The following POTEC variants were observed in gnomAD, a reference collection of about 807,000 sequenced individuals.
POTEC encodes POTE ankyrin domain family member C.
Under a neutral mutation model 62.0 loss-of-function variants are expected in POTEC, and 35 were observed. The observed-to-expected ratio is 0.56, with a 90% confidence interval of 0.43 to 0.75. The LOEUF (loss-of-function observed/expected upper bound fraction) is 0.75. POTEC is among the 30% of genes least tolerant of loss of function. POTEC has a pLI of 0.00. For missense variants in POTEC, 472 were observed against 655.9 expected, an observed-to-expected ratio of 0.72 and a Z score of 3.06; for synonymous variants, 156 against 221.5, an observed-to-expected ratio of 0.70 and a Z score of 2.62.
intron 9 of POTEC, among the ~76,000 whole-genome samples, chr18:14,521,252 T>G (rs1421178138): frequency 2.0e-5 from 3 of 152,194 alleles, no homozygotes; most frequent in Non-Finnish European, 4.4e-5. Flanking sequence ...AGTGTCCATG[T>G]AGCGTGTAGC....
intron 9 of POTEC, among the ~76,000 whole-genome samples, chr18:14,520,623 T>A (rs867982764): frequency 6.6e-6 from 1 of 151,792 alleles, no homozygotes; most frequent in African/African-American, 2.4e-5. Flanking sequence ...TACTGAAATA[T>A]ATCCTTTTCT....
Position 14,509,802 on chromosome 18 carries a change from T to G in POTEC, c.*2096A>C, listed in dbSNP as rs1281029937. On this transcript the variant is annotated 3_prime_UTR_variant, in exon 11 of 11. Transcript: ENST00000358970. Reference sequence around the variant, plus strand: ...CACAGATCAGGTCTCAGAGGAGAACTCTCTCAAAAGTGAATCCTCAGCACA... The same window carrying G: ...CACAGATCAGGTCTCAGAGGAGAACGCTCTCAAAAGTGAATCCTCAGCACA... 1 of 143,200 alleles carries G rather than the reference T, an allele frequency of 7.0e-6. No homozygotes were observed. 8.9% of individuals were successfully genotyped at this position (143,200 alleles called of 1,614,324 possible).
intron 4 of POTEC, among the ~76,000 whole-genome samples, chr18:14,533,892 G>T: frequency 1.4e-5 from 2 of 142,950 alleles, no homozygotes; most frequent in African/African-American, 2.6e-5. Context: ...TTTTTTCCAT[G>T]CCCAGCTAGT....
At chr18:14,528,205 A>C (rs1341259062) in intron 6 of POTEC, 1 of 152,328 alleles carries the variant, frequency 6.6e-6, no homozygotes, top group East Asian at 1.9e-4. Flanking sequence ...CATAAGCAGA[A>C]TATGCCTTAA....
At chr18:14,516,922 T>TA (rs1286742447) in intron 9 of POTEC, among the ~76,000 whole-genome samples, 3 of 151,120 alleles carry the variant, frequency 2.0e-5, no homozygotes, top group African/African-American at 7.3e-5. Flanking sequence ...AAAAGGAATT[T>TA]AAAAAGAGAG....
intron 7 of POTEC, among the ~76,000 whole-genome samples, chr18:14,524,011 G>A (rs867116882): frequency 7.9e-5 from 12 of 152,126 alleles, no homozygotes; most frequent in Middle Eastern, 3.4e-3. Flanking sequence ...AAATTATTAG[G>A]AGCTGAAATC....
Position 14,507,399 on chromosome 18 carries a change from AC to A in POTEC, c.*4498del, listed in dbSNP as rs1188775531. 6.7e-6 allele frequency: 1 copy of A among 150,034 alleles called. No individual in the cohort carries two copies. Among genetic ancestry groups the A allele is most frequent in the Non-Finnish European group, 1.5e-5 (1 of 67,612 alleles). The allele number at this position is 150,034 out of a possible 1,614,324, so 9.3% of individuals were successfully genotyped here. The stretch of plus-strand genomic sequence containing the variant: ...TTTTGTCAGAAACTAGGAGTGCAAC[AC>A]CTGCTTTTTTCTGTTTTCCATTTCC... On this transcript the variant is annotated 3_prime_UTR_variant, in exon 11 of 11. Transcript: ENST00000358970.
intron 5 of POTEC, among the ~76,000 whole-genome samples, chr18:14,532,212 G>A (rs987330123): frequency 1.3e-5 from 2 of 152,110 alleles, no homozygotes; most frequent in African/African-American, 2.4e-5. Context: ...GACCAACAAC[G>A]GCCTGAAAGG....
chr18:14,515,349 GAT>G (rs1327611465), intron 9 of POTEC, among the ~76,000 whole-genome samples: 3 of 152,088 alleles, frequency 2.0e-5, no homozygotes, highest in Non-Finnish European at 2.9e-5. Flanking sequence ...TATAAAAGTA[GAT>G]ACACAGATCA....
chr18:14,519,067 T>G lies in POTEC; in HGVS notation c.1409+3187A>C, dbSNP rs527825500. Among the ~76,000 whole-genome samples, 18 of 152,260 alleles carry G rather than the reference T, an allele frequency of 1.2e-4. No homozygotes were observed. In the South Asian group the frequency reaches 3.7e-3, roughly 32 times the overall value. On this transcript the variant is annotated intron_variant, in intron 9 of 10. Coordinates refer to ENST00000358970, the MANE Select transcript of POTEC (RefSeq NM_001137671.2). ...AGACTGCAGATGAGGGTGGCTCAGA[T>G]GTATGAGATATGACTGGCTTCTGGA...
chr18:14,518,460 A>G (rs1378893629), intron 9 of POTEC, among the ~76,000 whole-genome samples: 1 of 151,800 alleles, frequency 6.6e-6, no homozygotes, highest in African/African-American at 2.4e-5. Flanking sequence ...AGAAATGATG[A>G]CATAAGGTTA....
chr18:14,517,549 AT>A (rs753938887), intron 9 of POTEC, among the ~76,000 whole-genome samples: 17 of 51,150 alleles, frequency 3.3e-4, no homozygotes, highest in Admixed American at 4.8e-4. Flanking sequence ...TGCCACCCTA[AT>A]TTTTTTTTTT....
intron 3 of POTEC, among the ~76,000 whole-genome samples, chr18:14,535,583 T>G (rs1240656396): frequency 1.3e-5 from 2 of 151,358 alleles, no homozygotes; most frequent in South Asian, 4.2e-4. Context: ...ATAGGATTAC[T>G]GAAACTAAGA....
intron 9 of POTEC, among the ~76,000 whole-genome samples, chr18:14,519,508 G>C (rs913377799): frequency 1.2e-4 from 19 of 152,128 alleles, no homozygotes. Flanking sequence ...CCTGAGGTCA[G>C]GAGTTTGAAA....
In POTEC at chr18:14,543,207, T is replaced by G. The variant is rs1456690537; in HGVS notation, c.-61A>C. On this transcript the variant is annotated 5_prime_UTR_variant, in exon 1 of 11. Coordinates refer to ENST00000358970, the MANE Select transcript of POTEC (RefSeq NM_001137671.2). ...AACAGATCGCGTCTACCAACCAGTT[T>G]CACCAACTAGCAGGAAACCCTGGGT... The G allele has an allele frequency of 6.2e-7, 1 of 1,606,592 alleles. No individual in the cohort carries two copies. Among genetic ancestry groups the G allele is most frequent in the East Asian group, 2.2e-5 (1 of 44,754 alleles).
In POTEC at chr18:14,511,359, G is replaced by A; in HGVS notation, c.*539C>T. On this transcript the variant is annotated 3_prime_UTR_variant, in exon 11 of 11. Transcript: ENST00000358970. ...GATCTCTTCTGCCCCTGGTGGGTTT[G>A]TACTCTCCAAAGCCCGCACGCTGGA... is the stretch of plus-strand genomic sequence containing the variant. 1 of 278,600 alleles carries A rather than the reference G, an allele frequency of 3.6e-6. No individual in the cohort carries two copies. Among genetic ancestry groups the A allele is most frequent in the Non-Finnish European group, 6.9e-6 (1 of 145,408 alleles). The allele number at this position is 278,600 out of a possible 1,614,324, so 17.3% of individuals were successfully genotyped here.
At chr18:14,534,341 T>A (rs1567914540) in intron 4 of POTEC, among the ~76,000 whole-genome samples, 1 of 151,800 alleles carries the variant, frequency 6.6e-6, no homozygotes, top group African/African-American at 2.4e-5. Context: ...AACATCAAAA[T>A]ACACTGGAAA....
chr18:14,510,087 C>T lies in POTEC; in HGVS notation c.*1811G>A, dbSNP rs1307545889. ...TACTTTCCTTGTCTCCTGGGGGCTC[C>T]ACCCCAGAGAGGTGTAAGTTAGCAG... On this transcript the variant is annotated 3_prime_UTR_variant, in exon 11 of 11. Transcript: ENST00000358970. The T allele has an allele frequency of 6.7e-6, 1 of 149,892 alleles. No homozygotes were observed. The highest frequency in any genetic ancestry group is 2.5e-5 in the African/African-American group (1 of 40,350). 9.3% of individuals were successfully genotyped at this position (149,892 alleles called of 1,614,324 possible).
Position 14,524,996 on chromosome 18 carries a change from C to G in POTEC, c.1127-13G>C, listed in dbSNP as rs200786692. 17 of 1,600,312 alleles carry G rather than the reference C, an allele frequency of 1.1e-5. No individual in the cohort carries two copies. Among genetic ancestry groups the G allele is most frequent in the Middle Eastern group, 2.3e-4 (1 of 4,416 alleles). On this transcript the variant is annotated splice_polypyrimidine_tract_variant and intron_variant, in intron 6 of 10. Coordinates refer to ENST00000358970, the MANE Select transcript of POTEC (RefSeq NM_001137671.2). Reference sequence around the variant, plus strand: ...TTTAAGTCTTGTTCTGTTGAGAAATCCATATATTCAGTTAAGATGAACCAC... The same window carrying G: ...TTTAAGTCTTGTTCTGTTGAGAAATGCATATATTCAGTTAAGATGAACCAC...
Sources: gnomAD v4.1 joint callset for allele counts (sites outside exome capture counted in the v4.1 genomes callset) on GRCh38, gnomAD v4.1.1 for gene constraint, MANE v1.5 for transcripts, NCBI Gene and HGNC (gene_info 2026-07-23, HGNC 2026-07-21) for gene names.